FAT1: variants seen among roughly 807,000 people sequenced by gnomAD.
The protein encoded by FAT1 is FAT atypical cadherin 1.
A neutral mutation model predicts 329.8 loss-of-function variants in FAT1; 171 were observed. That is an observed-to-expected ratio of 0.52 (90% confidence interval 0.46 to 0.59). The LOEUF (loss-of-function observed/expected upper bound fraction) is 0.59. FAT1 is among the 20% of genes least tolerant of loss of function. FAT1 has a pLI of 0.00. For synonymous variants in FAT1, 2,233 were observed against 2,228.6 expected, an observed-to-expected ratio of 1.00 and a Z score of -0.06; for missense variants, 5,672 against 5,774.4, an observed-to-expected ratio of 0.98 and a Z score of 0.57.
chr4:186,671,156 C>T (rs116636151), intron 2 of FAT1, among the ~76,000 whole-genome samples: 5,528 of 152,074 alleles, frequency 0.036, 109 homozygotes, highest in Middle Eastern at 0.065. Context: ...TTTTTAATCT[C>T]GTTTTCATTA....
At chr4:186,628,461 T>TG in intron 8 of FAT1, 27 bp downstream of exon 8, 1 of 1,612,960 alleles carries the variant, frequency 6.2e-7, no homozygotes, top group Non-Finnish European at 8.5e-7. Context: ...GACCAAATGG[T>TG]GGGAGGAGAG....
chr4:186,671,817 G>T (rs1173247176), intron 2 of FAT1, among the ~76,000 whole-genome samples: 7 of 151,490 alleles, frequency 4.6e-5, no homozygotes, highest in African/African-American at 1.5e-4. Flanking sequence ...TGTGTGTGTG[G>T]TGTGTGTGTG....
intron 3 of FAT1, among the ~76,000 whole-genome samples, chr4:186,659,232 G>GT: frequency 6.6e-6 from 1 of 152,164 alleles, no homozygotes; most frequent in Non-Finnish European, 1.5e-5. Flanking sequence ...CTAGGTTTGG[G>GT]TAAGTACACT....
chr4:186,600,707 A>C (rs117556007), intron 21 of FAT1, among the ~76,000 whole-genome samples: 2 of 152,324 alleles, frequency 1.3e-5, no homozygotes, highest in East Asian at 3.9e-4. Context: ...TGTCTCTATA[A>C]ACTGTAACAG....
Position 186,665,875 on chromosome 4 carries a change from T to C in FAT1, c.3266-2262A>G, listed in dbSNP as rs1450287061. Among the ~76,000 whole-genome samples the C allele has an allele frequency of 2.0e-5, 3 of 152,106 alleles. No individual in the cohort carries two copies. The East Asian group carries it at 5.8e-4, about 29-fold the overall frequency. On this transcript the variant is annotated intron_variant, in intron 2 of 26. Transcript: ENST00000441802. ...GCAGCCATAAAAAAGGATGAGTTCATGTCCTTTGTAGAGACATGGATGAAG... is the reference window on the plus strand; with the variant it reads ...GCAGCCATAAAAAAGGATGAGTTCACGTCCTTTGTAGAGACATGGATGAAG...
intron 2 of FAT1, among the ~76,000 whole-genome samples, chr4:186,699,538 A>G (rs2126672095): frequency 6.6e-6 from 1 of 152,352 alleles, no homozygotes; most frequent in East Asian, 1.9e-4. Context: ...GTGAAACTGG[A>G]GAACTGCCAA....
Position 186,620,070 on chromosome 4 carries a change from G to GATC in FAT1, c.6513_6515dup (p.Pro2171_Ile2172insMet). 6.2e-7 allele frequency: 1 copy of GATC among 1,613,996 alleles called. No individual in the cohort carries two copies. The highest frequency in any genetic ancestry group is 8.5e-7 in the Non-Finnish European group (1 of 1,179,890). On this transcript the variant is annotated inframe_insertion, in exon 10 of 27. Coordinates refer to ENST00000441802, the MANE Select transcript of FAT1 (RefSeq NM_005245.4). ...CAGGCATGGCTTTATTCATGACAGTGATCGGAACGATAACTTCCGCTGAAA... is the reference window on the plus strand; with the variant it reads ...CAGGCATGGCTTTATTCATGACAGTGATCATCGGAACGATAACTTCCGCTGAAA...
rs2126522532 is a variant in FAT1 at position 186,621,140 on chromosome 4, C to T, written c.5446G>A (p.Val1816Ile). The change falls in exon 10 of 27, where the codon GTA becomes ATA. Residue 1816 changes from valine to isoleucine, a missense_variant. Transcript: ENST00000441802. ...LLVYHIVEPS[V>I]HTYFAIDSST... Reference sequence around the variant, plus strand: ...GAATCAATAGCAAAATATGTGTGTACAGATGGTTCAACAATGTGATATACA... The same window carrying T: ...GAATCAATAGCAAAATATGTGTGTATAGATGGTTCAACAATGTGATATACA... The T allele has an allele frequency of 1.2e-6, 2 of 1,613,894 alleles. No individual in the cohort carries two copies. Among genetic ancestry groups the T allele is most frequent in the Non-Finnish European group, 1.7e-6 (2 of 1,179,900 alleles).
intron 7 of FAT1, among the ~76,000 whole-genome samples, chr4:186,631,875 T>C (rs893915288): frequency 5.9e-5 from 9 of 152,134 alleles, no homozygotes; most frequent in Non-Finnish European, 8.8e-5. Context: ...AGGTGGCAGC[T>C]GCTGCACCCC....
intron 2 of FAT1, among the ~76,000 whole-genome samples, chr4:186,688,662 C>A (rs56395729): frequency 0.47 from 61,847 of 132,510 alleles, 14,692 homozygotes; most frequent in Non-Finnish European, 0.53. Flanking sequence ...CGCCCCCCCC[C>A]AAAAAAACAC....
At position 186,609,294 on chromosome 4, in the gene FAT1, A is replaced by C. The variant is rs1365710875; in HGVS notation, c.10095T>G (p.Pro3365=). 1.2e-6 allele frequency: 2 copies of C among 1,614,060 alleles called. No homozygotes were observed. Among genetic ancestry groups the C allele is most frequent in the African/African-American group, 1.3e-5 (1 of 75,076 alleles). ...ITVMADDADG[P]SNSHIHYSII... is the part of the protein sequence containing the mutation. ...TTGAGTAGTGGATGTGGCTGTTGGA[A>C]GGTCCATCGGCATCATCGGCCATAA... The change falls in exon 16 of 27, where the codon CCT becomes CCG. Residue 3365 remains proline, a synonymous_variant. Transcript: ENST00000441802.
In FAT1 at chr4:186,628,605, C is replaced by T. The variant is rs1040203883; in HGVS notation, c.4482G>A (p.Gln1494=). The change falls in exon 8 of 27, where the codon CAG becomes CAA. Residue 1494 remains glutamine (Q), a synonymous_variant. Transcript: ENST00000441802. ...DEKNKLIYTL[Q]SSRDPLSLKK... ...TGAGACTCAGTGGATCTCTACTGCT[C>T]TGCAGAGTGTAGATTAGTTTGTTTT... The T allele has an allele frequency of 1.9e-6, 3 of 1,613,886 alleles. No individual in the cohort carries two copies. Among genetic ancestry groups the T allele is most frequent in the African/African-American group, 2.7e-5 (2 of 74,930 alleles).
chr4:186,610,027 T>A lies in FAT1; in HGVS notation c.9854-12A>T, dbSNP rs2126461021. ...GATAAATACGGCCCCTGAATAGAAA[T>A]CAAAATTACTTCCAGCATTCTGCAA... On this transcript the variant is annotated splice_polypyrimidine_tract_variant and intron_variant, in intron 14 of 26. Coordinates refer to ENST00000441802, the MANE Select transcript of FAT1 (RefSeq NM_005245.4). 6.5e-7 allele frequency: 1 copy of A among 1,539,424 alleles called. No homozygotes were observed. The highest frequency in any genetic ancestry group is 9.0e-7 in the Non-Finnish European group (1 of 1,114,258).
At chr4:186,720,794 C>A (rs1302241310) in intron 1 of FAT1, among the ~76,000 whole-genome samples, 1 of 152,152 alleles carries the variant, frequency 6.6e-6, no homozygotes, top group Non-Finnish European at 1.5e-5. Context: ...GGTAAATGGA[C>A]AGATGAATAA....
intron 2 of FAT1, among the ~76,000 whole-genome samples, chr4:186,664,514 G>T (rs889960490): frequency 1.3e-5 from 2 of 152,168 alleles, no homozygotes; most frequent in Admixed American, 1.3e-4. Flanking sequence ...ACATTTCTTA[G>T]TAAGTCAACT....
At position 186,587,881 on chromosome 4, in the gene FAT1, T is replaced by A; in HGVS notation, c.*711A>T. 1 of 215,278 alleles carries A rather than the reference T, an allele frequency of 4.6e-6. No individual in the cohort carries two copies. The highest frequency in any genetic ancestry group is 7.0e-5 in the East Asian group (1 of 14,350). 13.3% of individuals were successfully genotyped at this position (215,278 alleles called of 1,614,324 possible). A position where few individuals can be genotyped will look rare whatever the true frequency, so the allele number is the denominator to read the frequency against. On this transcript the variant is annotated 3_prime_UTR_variant, in exon 27 of 27. Transcript: ENST00000441802. ...CTTTACAAGACCATTGCATCACAAA[T>A]ATACAGACACTATAAAAACTGTGTC...
Position 186,619,429 on chromosome 4 carries a change from T to C in FAT1, c.7157A>G (p.Asn2386Ser), listed in dbSNP as rs756518448. Residue 2386 changes from asparagine to serine, a missense_variant, in exon 10 of 27, where the codon AAT (asparagine) becomes AGT (serine). Coordinates refer to ENST00000441802, the MANE Select transcript of FAT1 (RefSeq NM_005245.4). Reference sequence around the variant, plus strand: ...AATCTGTTGTTCAAAGAGTGGTGGATTATCATTGAGGTCGGTAACGTCCAC... The same window carrying C: ...AATCTGTTGTTCAAAGAGTGGTGGACTATCATTGAGGTCGGTAACGTCCAC... ...VTVDVTDLND[N>S]PPLFEQQIYE... 16 of 1,613,820 alleles carry C rather than the reference T, an allele frequency of 9.9e-6. No individual in the cohort carries two copies. Among genetic ancestry groups the C allele is most frequent in the Non-Finnish European group, 1.1e-5 (13 of 1,179,884 alleles).
At chr4:186,616,939 G>GGTCC (rs2126484785) in intron 11 of FAT1, 66 bp downstream of exon 11, 1 of 1,388,544 alleles carries the variant, frequency 7.2e-7, no homozygotes, top group Non-Finnish European at 1.0e-6. Flanking sequence ...GCCAAATGAT[G>GGTCC]GTCCCATTGA....
intron 4 of FAT1, among the ~76,000 whole-genome samples, chr4:186,638,893 G>C (rs1740967208): frequency 6.6e-6 from 1 of 151,760 alleles, no homozygotes; most frequent in African/African-American, 2.4e-5. Flanking sequence ...TTCCACACGG[G>C]ACAGAGAGAT....
Sources: gnomAD v4.1 joint callset for allele counts (sites outside exome capture counted in the v4.1 genomes callset) on GRCh38, gnomAD v4.1.1 for gene constraint, MANE v1.5 for transcripts, NCBI Gene and HGNC (gene_info 2026-07-23, HGNC 2026-07-21) for gene names.